ZDHHC18: variants seen among roughly 807,000 people sequenced by gnomAD.
ZDHHC18 encodes zDHHC palmitoyltransferase 18.
A neutral mutation model predicts 37.5 loss-of-function variants in ZDHHC18; 23 were observed. That is an observed-to-expected ratio of 0.61 (90% CI 0.44 to 0.87). ZDHHC18 has a LOEUF of 0.87. Ranked by LOEUF, ZDHHC18 falls within the 40% of genes least tolerant of loss-of-function variation. ZDHHC18 has a pLI of 0.00. For synonymous variants in ZDHHC18, 185 were observed against 218.7 expected, an observed-to-expected ratio of 0.85 and a Z score of 1.36; for missense variants, 406 against 525.6, an observed-to-expected ratio of 0.77 and a Z score of 2.22.
intron 3 of ZDHHC18, 86 bp downstream of exon 3, chr1:26,848,843 C>T (rs948718174): frequency 2.0e-6 from 3 of 1,522,168 alleles, no homozygotes; most frequent in Admixed American, 3.8e-5. Context: ...ATGGGGATGG[C>T]GTGGGCAGGG....
rs766702770 is a variant in ZDHHC18 at position 26,853,870 on chromosome 1, G to A, written c.*27G>A. ...CACGGCTCAGTACTTGCCACCTGCT[G>A]GCCTGTCTGACCCTCCGCACTCACC... is the stretch of plus-strand genomic sequence containing the variant. On this transcript the variant is annotated 3_prime_UTR_variant, in exon 8 of 8. Transcript: ENST00000374142. The A allele has an allele frequency of 1.6e-4, 255 of 1,604,224 alleles. No homozygotes were observed. The highest frequency in any genetic ancestry group is 3.3e-4 in the Middle Eastern group (2 of 6,060).
chr1:26,852,371 T>G (rs922684727), intron 6 of ZDHHC18, among the ~76,000 whole-genome samples: 1 of 152,260 alleles, frequency 6.6e-6, no homozygotes, highest in African/African-American at 2.4e-5. Context: ...AAATGAGGAC[T>G]CAGGCTCAGC....
chr1:26,828,352 G>A (rs942464088), intron 1 of ZDHHC18, among the ~76,000 whole-genome samples: 1 of 151,956 alleles, frequency 6.6e-6, no homozygotes, highest in Non-Finnish European at 1.5e-5. Context: ...TGACCTCAGG[G>A]CAGTCACTTC....
chr1:26,827,124 T>C lies in ZDHHC18; in HGVS notation c.320T>C (p.Leu107Pro). The C allele has an allele frequency of 7.1e-7, 1 of 1,410,062 alleles. No individual in the cohort carries two copies. Among genetic ancestry groups the C allele is most frequent in the Non-Finnish European group, 9.2e-7 (1 of 1,086,564 alleles). The allele number at this position is 1,410,062 out of a possible 1,614,324, so 87.3% of individuals were successfully genotyped here. Residue 107 changes from leucine (L) to proline (P), a missense_variant, in exon 1 of 8, where the codon CTC (leucine) becomes CCC (proline). Coordinates refer to ENST00000374142, the MANE Select transcript of ZDHHC18 (RefSeq NM_032283.3). ...CTGCTCATCCTCACCACCACCGGCC[T>C]CTTCTTCGTCTTTGAGTGAGTTCCG... ...TLLLILTTTGLFFVFDCPYLA... is the reference protein window; with the variant it reads ...TLLLILTTTGPFFVFDCPYLA...
At chr1:26,852,442 G>A (rs2081710040) in intron 6 of ZDHHC18, among the ~76,000 whole-genome samples, 1 of 152,344 alleles carries the variant, frequency 6.6e-6, no homozygotes, top group Middle Eastern at 3.4e-3. Flanking sequence ...CTCACAGGCA[G>A]GTCAGCCCTC....
intron 6 of ZDHHC18, among the ~76,000 whole-genome samples, chr1:26,852,427 C>T (rs185175052): frequency 4.5e-4 from 68 of 152,308 alleles, no homozygotes; most frequent in Non-Finnish European, 7.5e-4. Flanking sequence ...GTAGCAGGGC[C>T]GGGGCTCACA....
Position 26,856,284 on chromosome 1 carries a change from C to A in ZDHHC18, c.*2441C>A. On this transcript the variant is annotated 3_prime_UTR_variant, in exon 8 of 8. Coordinates refer to ENST00000374142, the MANE Select transcript of ZDHHC18 (RefSeq NM_032283.3). This position sits in a 1 kb window ranked among gnomAD's most constrained non-coding sequence, Gnocchi z 5.2. ...GCTGGTAAGACCGTTTCTTCCCTGT[C>A]GGCCAGCACTGCCCGCTCCCCTCAC... is the stretch of plus-strand genomic sequence containing the variant. 2.3e-6 allele frequency: 1 copy of A among 434,660 alleles called. No homozygotes were observed. Among genetic ancestry groups the A allele is most frequent in the Non-Finnish European group, 4.8e-6 (1 of 209,052 alleles). 26.9% of individuals were successfully genotyped at this position (434,660 alleles called of 1,614,324 possible).
Position 26,850,446 on chromosome 1 carries a change from G to T in ZDHHC18, c.784+8G>T, listed in dbSNP as rs779546262. The T allele has an allele frequency of 6.2e-7, 1 of 1,613,876 alleles. No homozygotes were observed. Among genetic ancestry groups the T allele is most frequent in the South Asian group, 1.1e-5 (1 of 91,082 alleles). On this transcript the variant is annotated splice_region_variant and intron_variant, in intron 4 of 7. Coordinates refer to ENST00000374142, the MANE Select transcript of ZDHHC18 (RefSeq NM_032283.3). This position sits in a 1 kb window ranked among gnomAD's most constrained non-coding sequence, Gnocchi z 6.1. ...TCACCCACCTGACGTTGCGTGAGTT[G>T]TGGGTGAGGGCAGTGGGGAGTGGAA...
At chr1:26,843,333 GT>G (rs1019358388) in intron 2 of ZDHHC18, among the ~76,000 whole-genome samples, 4 of 150,550 alleles carry the variant, frequency 2.7e-5, no homozygotes, top group African/African-American at 9.7e-5. Flanking sequence ...AGTAGAGAGG[GT>G]TTCACCAGGT....
At chr1:26,848,460 A>G (rs1332135033) in intron 2 of ZDHHC18, 148 bp from the exon 3 acceptor site, 6 of 1,067,250 alleles carry the variant, frequency 5.6e-6, no homozygotes, top group Non-Finnish European at 6.9e-6. Context: ...GCCTTAGGCC[A>G]GACATTTTAC....
intron 1 of ZDHHC18, among the ~76,000 whole-genome samples, chr1:26,827,356 C>A (rs1415503442): frequency 6.7e-6 from 1 of 150,212 alleles, no homozygotes; most frequent in East Asian, 2.0e-4. Flanking sequence ...TTTGGGTACC[C>A]CATCCGCGCT....
chr1:26,837,460 A>AT (rs2081618216), intron 2 of ZDHHC18, among the ~76,000 whole-genome samples: 4 of 144,982 alleles, frequency 2.8e-5, no homozygotes, highest in South Asian at 4.2e-4. Flanking sequence ...TATTATGTAT[A>AT]TTATTTATTT....
chr1:26,827,329 C>T (rs1212181166), intron 1 of ZDHHC18, among the ~76,000 whole-genome samples, 190 bp downstream of exon 1: 1 of 150,634 alleles, frequency 6.6e-6, no homozygotes, highest in Non-Finnish European at 1.5e-5. Context: ...GCCAGATGCC[C>T]CATCCTCCTT....
rs2081738641 is a variant in ZDHHC18 at position 26,857,120 on chromosome 1, ACT to A, written c.*3280_*3281del. ...ACGCAGCCATCAGCACAATAATGTG[ACT>A]CTACGCTGATATGCTCCCTCTCTCC... On this transcript the variant is annotated 3_prime_UTR_variant, in exon 8 of 8. Transcript: ENST00000374142. 6.6e-6 allele frequency: 1 copy of A among 152,088 alleles called. No homozygotes were observed. Among genetic ancestry groups the A allele is most frequent in the Non-Finnish European group, 1.5e-5 (1 of 68,084 alleles). The allele number at this position is 152,088 out of a possible 1,614,324, so 9.4% of individuals were successfully genotyped here.
At chr1:26,842,266 T>G (rs1224346719) in intron 2 of ZDHHC18, among the ~76,000 whole-genome samples, 1 of 152,116 alleles carries the variant, frequency 6.6e-6, no homozygotes, top group Non-Finnish European at 1.5e-5. Flanking sequence ...CATGAGCCAC[T>G]ATGCTTGGCC....
rs550935319 is a variant in ZDHHC18 at position 26,854,052 on chromosome 1, G to A, written c.*209G>A. 3.8e-5 allele frequency: 22 copies of A among 582,720 alleles called. No individual in the cohort carries two copies. Among genetic ancestry groups the A allele is most frequent in the Non-Finnish European group, 6.1e-5 (20 of 326,658 alleles). The allele number at this position is 582,720 out of a possible 1,614,324, so 36.1% of individuals were successfully genotyped here. A position where few individuals can be genotyped will look rare whatever the true frequency, so the allele number is the denominator to read the frequency against. The stretch of plus-strand genomic sequence containing the variant: ...AGGTTCCCACAGCCTTGGGCCCTAG[G>A]TACCCCAGCTGATCAGTGCCAGGAG... On this transcript the variant is annotated 3_prime_UTR_variant, in exon 8 of 8. Coordinates refer to ENST00000374142, the MANE Select transcript of ZDHHC18 (RefSeq NM_032283.3). The surrounding 1 kb of genome is among the most constrained non-coding windows in gnomAD (Gnocchi z 4.6).
intron 2 of ZDHHC18, among the ~76,000 whole-genome samples, chr1:26,846,122 A>G (rs61388433): frequency 2.2e-5 from 3 of 133,398 alleles, no homozygotes; most frequent in East Asian, 2.0e-4. Context: ...GTATATATAT[A>G]TGTGTGTGTA....
chr1:26,853,702 T>C (rs1570677491), intron 7 of ZDHHC18, 24 bp from the exon 8 acceptor site: 1 of 1,609,802 alleles, frequency 6.2e-7, no homozygotes, highest in Non-Finnish European at 8.5e-7. Context: ...AGAGCCCTCA[T>C]GTGTCTCCCT....
chr1:26,835,468 C>A (rs1329104218), intron 2 of ZDHHC18, among the ~76,000 whole-genome samples: 1 of 152,114 alleles, frequency 6.6e-6, no homozygotes, highest in Non-Finnish European at 1.5e-5. Flanking sequence ...TTTGGGAGGC[C>A]GAGGCGGGCG....
Sources: allele counts gnomAD v4.1 joint callset (sites outside exome capture counted in the v4.1 genomes callset), GRCh38; gene constraint gnomAD v4.1.1; non-coding constraint Gnocchi (gnomAD v3.1); transcripts MANE v1.5; gene names NCBI Gene and HGNC (gene_info 2026-07-23, HGNC 2026-07-21).